Variants in IGF2 observed in about 807,000 individuals in gnomAD.
IGF2 encodes the protein insulin-like growth factor 2.
A neutral mutation model predicts 12.0 loss-of-function variants in IGF2; 2 were observed. The observed-to-expected ratio is 0.17, with a 90% CI of 0.07 to 0.52. The LOEUF is 0.52. Ranked by LOEUF, IGF2 falls within the 20% of genes least tolerant of loss-of-function variation. IGF2 has a pLI of 0.95. For missense variants in IGF2, 211 were observed against 268.0 expected (o/e 0.79, Z 1.48); for synonymous variants, 105 against 110.1 (o/e 0.95, Z 0.29).
chr11:2,138,299 C>G lies in IGF2; in HGVS notation c.-77G>C. 2 of 985,060 alleles carry G rather than the reference C, an allele frequency of 2.0e-6. No individual in the cohort carries two copies. Among genetic ancestry groups the G allele is most frequent in the Non-Finnish European group, 2.4e-6 (2 of 829,754 alleles). 61.0% of individuals were successfully genotyped at this position (985,060 alleles called of 1,614,324 possible). A position where few individuals can be genotyped will look rare whatever the true frequency, so the allele number is the denominator to read the frequency against. ...AAACCGAACAGCGGGCGTTGGCCCT[C>G]CTGCCGGACACTCCTCTGCCAGCGC... On this transcript the variant is annotated 5_prime_UTR_variant, in exon 1 of 4. Transcript: ENST00000416167.
In IGF2 at chr11:2,132,912, C is replaced by A. The variant is rs1858709728; in HGVS notation, c.*75G>T. 9.5e-7 allele frequency: 1 copy of A among 1,048,890 alleles called. No homozygotes were observed. The allele number at this position is 1,048,890 out of a possible 1,614,324, so 65.0% of individuals were successfully genotyped here. A position where few individuals can be genotyped will look rare whatever the true frequency, so the allele number is the denominator to read the frequency against. ...GAACCGAGAGATTTTCGGGATGGAA[C>A]CTGATGGAAACGTCCGTGGTCAGGA... On this transcript the variant is annotated 3_prime_UTR_variant, in exon 4 of 4. Coordinates refer to ENST00000416167, the MANE Select transcript of IGF2 (RefSeq NM_000612.6).
In IGF2 at chr11:2,139,017, G is replaced by T; in HGVS notation, c.-795C>A. On this transcript the variant is annotated 5_prime_UTR_variant, in exon 1 of 4. Transcript: ENST00000416167. ...GCTCCGGGACGCAGCGCGGAAAGGG[G>T]AGCGGCCCGAGGCTGCGCGCCGGGG... 1.0e-6 allele frequency: 1 copy of T among 963,446 alleles called. No individual in the cohort carries two copies. The highest frequency in any genetic ancestry group is 1.8e-5 in the African/African-American group (1 of 55,338). 59.7% of individuals were successfully genotyped at this position (963,446 alleles called of 1,614,324 possible).
chr11:2,140,181 C>A, upstream of IGF2: 2 of 1,613,354 alleles, frequency 1.2e-6, no homozygotes, highest in East Asian at 2.2e-5. Context: ...CTCGCCTTTG[C>A]GGCCCACCCA....
intron 1 of IGF2, chr11:2,137,216 CAGGAGG>C (rs993244122): frequency 2.0e-6 from 2 of 993,120 alleles, no homozygotes; most frequent in South Asian, 4.5e-5. Flanking sequence ...CTCGCTGGGG[CAGGAGG>C]AGGAGGAGGA....
chr11:2,138,443 C>T lies in IGF2; in HGVS notation c.-221G>A. The T allele has an allele frequency of 1.2e-6, 1 of 865,848 alleles. No individual in the cohort carries two copies. The highest frequency in any genetic ancestry group is 1.4e-6 in the Non-Finnish European group (1 of 740,592). 53.6% of individuals were successfully genotyped at this position (865,848 alleles called of 1,614,324 possible). ...CCAGGGAGGACGGGCTGTCTTCGGG[C>T]TGGGGCGGGCCAGATGTTGTACTTT... On this transcript the variant is annotated 5_prime_UTR_variant, in exon 1 of 4. Transcript: ENST00000416167.
chr11:2,142,440 T>A (rs992134476), upstream of IGF2, among the ~76,000 whole-genome samples: 5 of 152,142 alleles, frequency 3.3e-5, no homozygotes, highest in African/African-American at 1.2e-4. This position sits in a 1 kb window ranked among gnomAD's most constrained non-coding sequence, Gnocchi z 5.7. Flanking sequence ...GATTTTGTGA[T>A]AGGGAGTGTG....
chr11:2,144,646 C>T (rs1344026491), upstream of IGF2, among the ~76,000 whole-genome samples: 1 of 152,142 alleles, frequency 6.6e-6, no homozygotes, highest in Non-Finnish European at 1.5e-5. Context: ...AGCCCAGTTC[C>T]TTATAGGCAA....
At position 2,132,263 on chromosome 11, in the gene IGF2, C is replaced by T. The variant is rs1328814346; in HGVS notation, c.*724G>A. ...TGGTCTTACTGGGTCCCTCTGACTG[C>T]TCTGTGATTTTTAGTGATGGAAAAG... On this transcript the variant is annotated 3_prime_UTR_variant, in exon 4 of 4. Coordinates refer to ENST00000416167, the MANE Select transcript of IGF2 (RefSeq NM_000612.6). 2 of 201,178 alleles carry T rather than the reference C, an allele frequency of 9.9e-6. No individual in the cohort carries two copies. Among genetic ancestry groups the T allele is most frequent in the African/African-American group, 2.3e-5 (1 of 43,392 alleles). The allele number at this position is 201,178 out of a possible 1,614,324, so 12.5% of individuals were successfully genotyped here. A position where few individuals can be genotyped will look rare whatever the true frequency, so the allele number is the denominator to read the frequency against.
intron 1 of IGF2, among the ~76,000 whole-genome samples, chr11:2,135,747 A>G (rs1396190828): frequency 6.6e-6 from 1 of 152,246 alleles, no homozygotes; most frequent in East Asian, 1.9e-4. Context: ...CCAGAAGCAC[A>G]CAGAAAAGGC....
chr11:2,133,460 G>A lies in IGF2; in HGVS notation c.306+57C>T, dbSNP rs905923529. ...CCAGAGGCCACAGGAAACGCTGGGC[G>A]CCCGAAGCCCTATTTCTCTGTCTCT... On this transcript the variant is annotated intron_variant, in intron 3 of 3. Transcript: ENST00000416167. The surrounding 1 kb of genome is among the most constrained non-coding windows in gnomAD (Gnocchi z 8.9). 5.2e-5 allele frequency: 80 copies of A among 1,526,864 alleles called. No individual in the cohort carries two copies. The highest frequency in any genetic ancestry group is 6.1e-5 in the Non-Finnish European group (69 of 1,135,996). The allele number at this position is 1,526,864 out of a possible 1,614,324, so 94.6% of individuals were successfully genotyped here.
upstream of IGF2, chr11:2,140,257 C>T (rs1290587925): frequency 6.2e-7 from 1 of 1,612,948 alleles, no homozygotes; most frequent in Admixed American, 1.7e-5. Context: ...AGTTCGGTCT[C>T]GGGGGCCACC....
chr11:2,146,366 A>ACGAGG, the IGF2 span: 5 of 535,248 alleles, frequency 9.3e-6, no homozygotes. Flanking sequence ...GGCGCCGCAG[A>ACGAGG]CGAGGCGCTG....
At chr11:2,142,771 G>A (rs1468447941), upstream of IGF2, among the ~76,000 whole-genome samples, 2 of 152,228 alleles carry the variant, frequency 1.3e-5, no homozygotes, top group African/African-American at 4.8e-5. This position sits in a 1 kb window ranked among gnomAD's most constrained non-coding sequence, Gnocchi z 5.7. Context: ...AACTGGGGCC[G>A]TTAGCAACAC....
rs1859280246 is a variant in IGF2, at chr11:2,138,600, G to A, written c.-378C>T. ...GAGAGGGCGAGGGGGAGAGAGGACA[G>A]CGAGAGGCGGGCAGGCGCACAGCGG... On this transcript the variant is annotated 5_prime_UTR_variant, in exon 1 of 4. Transcript: ENST00000416167. The A allele has an allele frequency of 1.5e-5, 15 of 971,418 alleles. No homozygotes were observed. Among genetic ancestry groups the A allele is most frequent in the Non-Finnish European group, 1.8e-5 (15 of 818,348 alleles). The allele number at this position is 971,418 out of a possible 1,614,324, so 60.2% of individuals were successfully genotyped here.
Position 2,132,209 on chromosome 11 carries a change from T to G in IGF2, c.*778A>C. On this transcript the variant is annotated 3_prime_UTR_variant, in exon 4 of 4. Coordinates refer to ENST00000416167, the MANE Select transcript of IGF2 (RefSeq NM_000612.6). ...AATTACATTTCATTTGCATGGATTT[T>G]GGTTTTCATGCTCTGTCCTCCCCTC... The G allele has an allele frequency of 4.9e-6, 1 of 206,060 alleles. No homozygotes were observed. Among genetic ancestry groups the G allele is most frequent in the Non-Finnish European group, 9.9e-6 (1 of 100,772 alleles). The allele number at this position is 206,060 out of a possible 1,614,324, so 12.8% of individuals were successfully genotyped here. A position where few individuals can be genotyped will look rare whatever the true frequency, so the allele number is the denominator to read the frequency against.
chr11:2,135,280 T>C (rs1858924646), intron 2 of IGF2, 87 bp downstream of exon 2: 5 of 1,231,968 alleles, frequency 4.1e-6, no homozygotes, highest in Non-Finnish European at 5.5e-6. Flanking sequence ...GACCTAGGAG[T>C]GTGCTCCCCT....
chr11:2,130,131 C>T lies in IGF2; in HGVS notation c.*2856G>A, dbSNP rs1858432072. ...AGTGTGCGGAAGGCGGCCACCCTGC[C>T]CCAGCCTGATGGAACCCTCTGTTTA... On this transcript the variant is annotated 3_prime_UTR_variant, in exon 4 of 4. Coordinates refer to ENST00000416167, the MANE Select transcript of IGF2 (RefSeq NM_000612.6). The T allele has an allele frequency of 4.3e-6, 1 of 230,752 alleles. No individual in the cohort carries two copies. 14.3% of individuals were successfully genotyped at this position (230,752 alleles called of 1,614,324 possible). A position where few individuals can be genotyped will look rare whatever the true frequency, so the allele number is the denominator to read the frequency against.
In IGF2 at chr11:2,133,295, T is replaced by A; in HGVS notation, c.307-72A>T. Reference sequence around the variant, plus strand: ...TTCCGCCTGAGCCGCCCGCCTGACCTGACAGGCCACCCCTGTGACTGATCA... The same window carrying A: ...TTCCGCCTGAGCCGCCCGCCTGACCAGACAGGCCACCCCTGTGACTGATCA... On this transcript the variant is annotated intron_variant, in intron 3 of 3. Coordinates refer to ENST00000416167, the MANE Select transcript of IGF2 (RefSeq NM_000612.6). This position sits in a 1 kb window ranked among gnomAD's most constrained non-coding sequence, Gnocchi z 8.9. 1 of 1,148,906 alleles carries A rather than the reference T, an allele frequency of 8.7e-7. No individual in the cohort carries two copies. The highest frequency in any genetic ancestry group is 1.2e-6 in the Non-Finnish European group (1 of 814,868). The allele number at this position is 1,148,906 out of a possible 1,614,324, so 71.2% of individuals were successfully genotyped here.
At position 2,133,372 on chromosome 11, in the gene IGF2, A is replaced by G. The variant is rs1034101823; in HGVS notation, c.306+145T>C. On this transcript the variant is annotated intron_variant, in intron 3 of 3. Coordinates refer to ENST00000416167, the MANE Select transcript of IGF2 (RefSeq NM_000612.6). This position sits in a 1 kb window ranked among gnomAD's most constrained non-coding sequence, Gnocchi z 8.9. ...GAGGGACAGAAGGAGCCAGCGTCTG[A>G]GCTGCTCCCGGGCCACACAGCAAGC... The G allele has an allele frequency of 3.1e-5, 32 of 1,048,538 alleles. No homozygotes were observed. Among genetic ancestry groups the G allele is most frequent in the Non-Finnish European group, 4.4e-5 (32 of 732,468 alleles). 65.0% of individuals were successfully genotyped at this position (1,048,538 alleles called of 1,614,324 possible). A position where few individuals can be genotyped will look rare whatever the true frequency, so the allele number is the denominator to read the frequency against.
Sources: allele counts gnomAD v4.1 joint callset (sites outside exome capture counted in the v4.1 genomes callset), GRCh38; gene constraint gnomAD v4.1.1; non-coding constraint Gnocchi (gnomAD v3.1); transcripts MANE v1.5; gene names NCBI Gene and HGNC (gene_info 2026-07-23, HGNC 2026-07-21).